Variants in GPM6A observed in about 807,000 individuals in gnomAD.
GPM6A encodes the protein glycoprotein M6A.
A neutral mutation model predicts 32.1 loss-of-function variants in GPM6A; 7 were observed. That is an observed-to-expected ratio of 0.22 (90% CI 0.12 to 0.41). The LOEUF (loss-of-function observed/expected upper bound fraction) is 0.41. Among genes scored for constraint, GPM6A ranks in the 10% least tolerant of loss-of-function variants. The pLI is 1.00. For missense variants in GPM6A, 235 were observed against 347.2 expected (o/e 0.68, Z 2.57); for synonymous variants, 130 against 123.4 (o/e 1.05, Z -0.35).
intron 1 of GPM6A, among the ~76,000 whole-genome samples, chr4:175,959,161 G>A (rs1022799299): frequency 6.6e-6 from 1 of 152,020 alleles, no homozygotes; most frequent in African/African-American, 2.4e-5. Flanking sequence ...GAATTCAAAG[G>A]AAACTCAAAA....
chr4:175,702,918 A>G (rs1744959499), intron 1 of GPM6A, among the ~76,000 whole-genome samples: 1 of 152,172 alleles, frequency 6.6e-6, no homozygotes, highest in African/African-American at 2.4e-5. Context: ...ACTTCTTGCT[A>G]TCATTCATGG....
chr4:175,657,142 C>T (rs956079115), intron 3 of GPM6A, among the ~76,000 whole-genome samples: 3 of 152,178 alleles, frequency 2.0e-5, no homozygotes, highest in Non-Finnish European at 4.4e-5. Flanking sequence ...AGTATTTTCT[C>T]ATCTTGGAAT....
intron 2 of GPM6A, among the ~76,000 whole-genome samples, chr4:175,681,412 T>A (rs1461628679): frequency 6.6e-6 from 1 of 152,188 alleles, no homozygotes; most frequent in Non-Finnish European, 1.5e-5. Flanking sequence ...TATTCATGTG[T>A]TTGCCATTTT....
At chr4:175,925,093 A>C (rs1579632319) in intron 1 of GPM6A, among the ~76,000 whole-genome samples, 1 of 152,228 alleles carries the variant, frequency 6.6e-6, no homozygotes, top group Non-Finnish European at 1.5e-5. Flanking sequence ...GATCATAATA[A>C]TTACTATACC....
At chr4:175,688,100 C>T (rs1744091722) in intron 2 of GPM6A, among the ~76,000 whole-genome samples, 1 of 151,904 alleles carries the variant, frequency 6.6e-6, no homozygotes, top group South Asian at 2.1e-4. Flanking sequence ...ATATTAATTC[C>T]TTACCAGATA....
intron 1 of GPM6A, among the ~76,000 whole-genome samples, chr4:175,995,899 G>C (rs1048949094): frequency 6.8e-6 from 1 of 146,020 alleles, no homozygotes; most frequent in South Asian, 2.2e-4. Context: ...TGGTTATGTC[G>C]TTCATACAGG....
chr4:175,675,629 C>T (rs78222811), intron 2 of GPM6A, among the ~76,000 whole-genome samples: 4,402 of 152,042 alleles, frequency 0.029, 82 homozygotes, highest in Non-Finnish European at 0.039. Context: ...GATTTTTCTT[C>T]GTATAATTTC....
intron 1 of GPM6A, among the ~76,000 whole-genome samples, chr4:175,977,892 A>G (rs1443900030): frequency 1.3e-5 from 2 of 152,150 alleles, no homozygotes; most frequent in South Asian, 2.1e-4. Context: ...TTGAATTCCT[A>G]AACACTTCTG....
intron 1 of GPM6A, among the ~76,000 whole-genome samples, chr4:175,828,813 A>C (rs1411488302): frequency 1.3e-5 from 2 of 152,128 alleles, no homozygotes; most frequent in Non-Finnish European, 2.9e-5. Context: ...AATTACAATA[A>C]ACTTTATCTT....
At chr4:175,663,672 T>G (rs537719788) in intron 3 of GPM6A, among the ~76,000 whole-genome samples, 1 of 151,598 alleles carries the variant, frequency 6.6e-6, no homozygotes, top group Admixed American at 6.6e-5. Flanking sequence ...AATCAATCAA[T>G]CAATCAATTG....
chr4:175,896,328 T>C (rs1004739775), intron 1 of GPM6A, among the ~76,000 whole-genome samples: 4 of 152,078 alleles, frequency 2.6e-5, no homozygotes, highest in African/African-American at 4.8e-5. Flanking sequence ...TGACAAACTT[T>C]TTAGGGTCAC....
intron 1 of GPM6A, among the ~76,000 whole-genome samples, chr4:175,829,274 G>C (rs1313381606): frequency 6.6e-6 from 1 of 152,108 alleles, no homozygotes; most frequent in African/African-American, 2.4e-5. Context: ...AATAGAAAAT[G>C]GACTCGATAT....
chr4:175,697,265 T>C (rs1357433748), intron 2 of GPM6A, among the ~76,000 whole-genome samples: 1 of 152,138 alleles, frequency 6.6e-6, no homozygotes, highest in East Asian at 1.9e-4. Context: ...GTCTCCATAT[T>C]TTATTGTCCC....
chr4:175,715,346 C>T (rs1185617013), intron 1 of GPM6A, among the ~76,000 whole-genome samples: 1 of 152,146 alleles, frequency 6.6e-6, no homozygotes. Flanking sequence ...AGCTTTCACT[C>T]GGGATTGTTC....
intron 1 of GPM6A, among the ~76,000 whole-genome samples, chr4:175,720,989 C>G (rs1245999409): frequency 1.4e-5 from 2 of 145,826 alleles, no homozygotes; most frequent in Non-Finnish European, 1.5e-5. Flanking sequence ...TTTCCAACAA[C>G]TAGTAGTTAC....
intron 1 of GPM6A, among the ~76,000 whole-genome samples, chr4:175,991,619 A>G (rs1240622994): frequency 6.6e-6 from 1 of 152,124 alleles, no homozygotes; most frequent in East Asian, 1.9e-4. Flanking sequence ...ACTAAATATA[A>G]TGTGTCTTCA....
At chr4:175,677,839 A>C (rs1043784863) in intron 2 of GPM6A, among the ~76,000 whole-genome samples, 1 of 152,188 alleles carries the variant, frequency 6.6e-6, no homozygotes, top group African/African-American at 2.4e-5. Flanking sequence ...CACCATATCC[A>C]AATGTACCAG....
chr4:175,807,940 T>C (rs1302308596), intron 1 of GPM6A, among the ~76,000 whole-genome samples: 1 of 152,194 alleles, frequency 6.6e-6, no homozygotes, highest in Admixed American at 6.5e-5. Flanking sequence ...GTATTTATTT[T>C]CCTCAACATT....
At chr4:175,675,250 T>A (rs1743300162) in intron 2 of GPM6A, among the ~76,000 whole-genome samples, 1 of 150,680 alleles carries the variant, frequency 6.6e-6, no homozygotes, top group Non-Finnish European at 1.5e-5. Flanking sequence ...TATATATGTA[T>A]ATATATTATA....
Sources: gnomAD v4.1 joint callset for allele counts (sites outside exome capture counted in the v4.1 genomes callset) on GRCh38, gnomAD v4.1.1 for gene constraint, MANE v1.5 for transcripts, NCBI Gene and HGNC (gene_info 2026-07-23, HGNC 2026-07-21) for gene names.